Variants in EGLN3 observed in about 807,000 individuals in gnomAD.
The protein encoded by EGLN3 is egl-9 family hypoxia inducible factor 3.
EGLN3 carries 15 observed loss-of-function variants against 26.0 expected under a neutral mutation model. The observed-to-expected ratio is 0.58, with a 90% CI of 0.39 to 0.89. The LOEUF is 0.89. EGLN3 is among the 40% of genes least tolerant of loss of function. The pLI, the probability that EGLN3 is intolerant of heterozygous loss-of-function variation, is 0.00. For synonymous variants in EGLN3, 147 were observed against 127.2 expected, an observed-to-expected ratio of 1.16 and a Z score of -1.05; for missense variants, 238 against 311.6, an observed-to-expected ratio of 0.76 and a Z score of 1.78.
chr14:33,930,951 C>T, intron 2 of EGLN3, 145 bp downstream of exon 2: 2 of 1,245,436 alleles, frequency 1.6e-6, no homozygotes, highest in Admixed American at 4.5e-5. Context: ...TCCATTGTCG[C>T]AGGAGGTTAT....
intron 1 of EGLN3, among the ~76,000 whole-genome samples, chr14:33,940,690 G>A (rs1037770743): frequency 4.6e-5 from 7 of 151,976 alleles, no homozygotes; most frequent in Non-Finnish European, 7.4e-5. Context: ...TGGCAAAGTC[G>A]AGAGTTTTTG....
chr14:33,935,620 C>CACACAT (rs1491565354), intron 1 of EGLN3, among the ~76,000 whole-genome samples: 3 of 74,572 alleles, frequency 4.0e-5, no homozygotes, highest in African/African-American at 1.2e-4. Context: ...CACACACACA[C>CACACAT]ATATATATAT....
chr14:33,941,693 C>CT (rs2064484404), intron 1 of EGLN3, among the ~76,000 whole-genome samples: 1 of 152,064 alleles, frequency 6.6e-6, no homozygotes, highest in Admixed American at 6.6e-5. Flanking sequence ...ATATACAAAG[C>CT]TTAACAGTCT....
At chr14:33,950,084 G>T in intron 1 of EGLN3, 1 of 589,432 alleles carries the variant, frequency 1.7e-6, no homozygotes, top group South Asian at 2.1e-5. Flanking sequence ...CCCTCCTTTG[G>T]ATCTTTGAGA....
chr14:33,940,328 T>C (rs1389065645), intron 1 of EGLN3, among the ~76,000 whole-genome samples: 1 of 152,138 alleles, frequency 6.6e-6, no homozygotes, highest in Non-Finnish European at 1.5e-5. Flanking sequence ...TTCTGGAAAA[T>C]TAAATATGCT....
intron 1 of EGLN3, among the ~76,000 whole-genome samples, chr14:33,941,929 A>T (rs1026524808): frequency 1.3e-5 from 2 of 152,208 alleles, no homozygotes; most frequent in African/African-American, 4.8e-5. Flanking sequence ...AGGGACTGGG[A>T]GGAAAGGAAG....
At chr14:33,935,510 A>T (rs2064434594) in intron 1 of EGLN3, among the ~76,000 whole-genome samples, 1 of 151,984 alleles carries the variant, frequency 6.6e-6, no homozygotes, top group Non-Finnish European at 1.5e-5. Context: ...TTATGAGAGT[A>T]GCAGGCAATC....
At chr14:33,925,996 C>G (rs2064360039) in intron 4 of EGLN3, 74 bp from the exon 5 acceptor site, 2 of 1,465,528 alleles carry the variant, frequency 1.4e-6, no homozygotes, top group South Asian at 1.2e-5. Flanking sequence ...ACAAATGTCA[C>G]CAAAAAGCCT....
rs145933066 is a variant in EGLN3, at chr14:33,927,152, G to GATTGATTTATTT, written c.615-120_615-119insAAATAAATCAAT. On this transcript the variant is annotated intron_variant, in intron 3 of 4. Coordinates refer to ENST00000250457, the MANE Select transcript of EGLN3 (RefSeq NM_022073.4). ...TTCTCTATTATTAGAAGTCTACCCT[G>GATTGATTTATTT]ATTTATTTATTTATTTATTTATTTA... is the stretch of plus-strand genomic sequence containing the variant. 17 of 182,840 alleles carry GATTGATTTATTT rather than the reference G, an allele frequency of 9.3e-5. No individual in the cohort carries two copies. The South Asian group carries it at 2.8e-3, about 30-fold the overall frequency. 11.3% of individuals were successfully genotyped at this position (182,840 alleles called of 1,614,324 possible). A position where few individuals can be genotyped will look rare whatever the true frequency, so the allele number is the denominator to read the frequency against.
At chr14:33,944,351 A>T (rs1490871803) in intron 1 of EGLN3, among the ~76,000 whole-genome samples, 1 of 151,998 alleles carries the variant, frequency 6.6e-6, no homozygotes, top group African/African-American at 2.4e-5. Context: ...CAAACTCCTG[A>T]CCTTGTGATC....
At chr14:33,931,381 T>G (rs940228100) in intron 1 of EGLN3, 166 bp from the exon 2 acceptor site, 14 of 949,450 alleles carry the variant, frequency 1.5e-5, no homozygotes, top group Non-Finnish European at 1.8e-5. Flanking sequence ...TGGACTCTTC[T>G]GTGCACAATG....
rs1219898835 is a variant in EGLN3 at position 33,950,915 on chromosome 14, C to T, written c.-163G>A. On this transcript the variant is annotated 5_prime_UTR_variant, in exon 1 of 5. Coordinates refer to ENST00000250457, the MANE Select transcript of EGLN3 (RefSeq NM_022073.4). ...CAGCGTCGGGGACAAGGGAAAGTTT[C>T]TCGCAACTCTCGGGAGAAGGGATCT... 1.8e-5 allele frequency: 12 copies of T among 666,456 alleles called. No homozygotes were observed. In the Admixed American group the frequency reaches 3.2e-4, roughly 18 times the overall value. The allele number at this position is 666,456 out of a possible 1,614,324, so 41.3% of individuals were successfully genotyped here. A position where few individuals can be genotyped will look rare whatever the true frequency, so the allele number is the denominator to read the frequency against.
At chr14:33,939,434 T>C (rs918369914) in intron 1 of EGLN3, among the ~76,000 whole-genome samples, 1 of 152,094 alleles carries the variant, frequency 6.6e-6, no homozygotes, top group Admixed American at 6.5e-5. Flanking sequence ...ATGGTCTCTA[T>C]CTCCTGACCT....
intron 1 of EGLN3, among the ~76,000 whole-genome samples, chr14:33,946,205 C>T (rs560112325): frequency 4.2e-4 from 64 of 152,188 alleles, no homozygotes; most frequent in African/African-American, 1.5e-3. Context: ...GGAGAAACCC[C>T]GTCTCTACTA....
chr14:33,934,749 T>C lies in EGLN3; in HGVS notation c.358-3534A>G, dbSNP rs114566922. On this transcript the variant is annotated intron_variant, in intron 1 of 4. Transcript: ENST00000250457. ...AACATGTATTTTCATAGAAATGTAT[T>C]TTACATTGCTCATGATTTGAGACAG... Among the ~76,000 whole-genome samples the C allele has an allele frequency of 1.7e-3, 260 of 152,316 alleles. 1 individual carries two copies. The highest frequency in any genetic ancestry group is 5.9e-3 in the African/African-American group (247 of 41,574).
intron 3 of EGLN3, among the ~76,000 whole-genome samples, chr14:33,927,387 T>C (rs1242817520): frequency 1.3e-5 from 2 of 152,116 alleles, no homozygotes; most frequent in Admixed American, 6.6e-5. Flanking sequence ...CAGGATGGTC[T>C]CGATCTCTTG....
chr14:33,926,641 T>A (rs1336147277), intron 4 of EGLN3, among the ~76,000 whole-genome samples: 1 of 152,198 alleles, frequency 6.6e-6, no homozygotes. Context: ...TATATTTCCT[T>A]TGCAATATGC....
intron 1 of EGLN3, among the ~76,000 whole-genome samples, chr14:33,936,499 CA>C (rs1433311105): frequency 6.6e-6 from 1 of 152,142 alleles, no homozygotes; most frequent in Non-Finnish European, 1.5e-5. Flanking sequence ...CATATTTTAA[CA>C]CACGCCTTGA....
At chr14:33,939,961 C>T (rs1348589399) in intron 1 of EGLN3, among the ~76,000 whole-genome samples, 3 of 152,184 alleles carry the variant, frequency 2.0e-5, no homozygotes, top group South Asian at 2.1e-4. Flanking sequence ...TTTGACTCCA[C>T]CTACCTCATC....
Sources: gnomAD v4.1 joint callset for allele counts (sites outside exome capture counted in the v4.1 genomes callset) on GRCh38, gnomAD v4.1.1 for gene constraint, MANE v1.5 for transcripts, NCBI Gene and HGNC (gene_info 2026-07-23, HGNC 2026-07-21) for gene names.